VPS13C: variants seen among roughly 807,000 people sequenced by gnomAD.
The protein encoded by VPS13C is intermembrane lipid transfer protein VPS13C.
Under a neutral mutation model 456.8 loss-of-function variants are expected in VPS13C, and 358 were observed. The observed-to-expected ratio is 0.78, with a 90% CI of 0.72 to 0.86. VPS13C has a LOEUF of 0.86. Among genes scored for constraint, VPS13C ranks in the 40% least tolerant of loss-of-function variants. The pLI, the probability that VPS13C is intolerant of heterozygous loss-of-function variation, is 0.00. For synonymous variants in VPS13C, 1,578 were observed against 1,486.7 expected, an observed-to-expected ratio of 1.06 and a Z score of -1.41; for missense variants, 4,818 against 4,385.4, an observed-to-expected ratio of 1.10 and a Z score of -2.79.
rs377118536 is a variant in VPS13C, at chr15:61,880,845, G to A, written c.9886C>T (p.Arg3296Trp). Residue 3296 changes from arginine (R) to tryptophan (W), a missense_variant and splice_region_variant, in exon 72 of 85, where the codon CGG (arginine) becomes TGG (tryptophan). Transcript: ENST00000644861. ...PTTDPEAERR[R>W]TKLIQQDIDA... ...CCCCAAGAAATAAAAATTTTTACCC[G>A]TCTTCTTTCAGCTTCAGGGTCTGTT... is the stretch of plus-strand genomic sequence containing the variant. 3.5e-5 allele frequency: 56 copies of A among 1,582,846 alleles called. No homozygotes were observed. Among genetic ancestry groups the A allele is most frequent in the Admixed American group, 1.7e-4 (9 of 51,970 alleles).
At chr15:62,055,777 C>T (rs541113881) in intron 1 of VPS13C, among the ~76,000 whole-genome samples, 50 of 152,206 alleles carry the variant, frequency 3.3e-4, no homozygotes, top group African/African-American at 1.1e-3. Context: ...CTACTTCTTC[C>T]GTGTCCTTTT....
chr15:62,050,009 C>T (rs992874281), intron 1 of VPS13C, among the ~76,000 whole-genome samples: 3 of 152,246 alleles, frequency 2.0e-5, no homozygotes, highest in Admixed American at 6.5e-5. Flanking sequence ...TGGGCTGAGA[C>T]GATGGGGTTT....
At chr15:61,868,597 A>G in intron 81 of VPS13C, 62 bp downstream of exon 81, 2 of 1,434,906 alleles carry the variant, frequency 1.4e-6, no homozygotes, top group Non-Finnish European at 9.8e-7. Context: ...CACCTAGGAA[A>G]TCCTGGGCCT....
chr15:62,054,829 C>T (rs1418626007), intron 1 of VPS13C, among the ~76,000 whole-genome samples: 1 of 151,922 alleles, frequency 6.6e-6, no homozygotes, highest in East Asian at 1.9e-4. Flanking sequence ...AAAACAAAGA[C>T]TGTTTTCCAT....
intron 67 of VPS13C, among the ~76,000 whole-genome samples, chr15:61,887,192 G>A (rs1021834582): frequency 1.3e-5 from 2 of 152,168 alleles, no homozygotes; most frequent in African/African-American, 4.8e-5. Context: ...ATTATAACAA[G>A]ATTGCAAAAA....
In VPS13C at chr15:61,916,677, T is replaced by G. The variant is rs532008485; in HGVS notation, c.8056-655A>C. Among the ~76,000 whole-genome samples, 12 of 152,202 alleles carry G rather than the reference T, an allele frequency of 7.9e-5. No homozygotes were observed. The South Asian group carries it at 8.3e-4, about 11-fold the overall frequency. ...AAAAAAACATGTAGGTTCCAAACAC[T>G]TTCCAGATTTTCATATTTTAAAATA... On this transcript the variant is annotated intron_variant, in intron 60 of 84. Transcript: ENST00000644861.
rs755846323 is a variant in VPS13C at position 61,874,962 on chromosome 15, A to G, written c.10339-11T>C. On this transcript the variant is annotated splice_polypyrimidine_tract_variant and intron_variant, in intron 76 of 84. Transcript: ENST00000644861. Reference sequence around the variant, plus strand: ...GCCTTGAACAGCACCCTGGCAAAAAAAAATAAAAAATAATCTTATTATTTA... The same window carrying G: ...GCCTTGAACAGCACCCTGGCAAAAAGAAATAAAAAATAATCTTATTATTTA... 2.8e-5 allele frequency: 43 copies of G among 1,536,004 alleles called. No homozygotes were observed. The highest frequency in any genetic ancestry group is 5.2e-6 in the Non-Finnish European group (6 of 1,150,890).
intron 45 of VPS13C, among the ~76,000 whole-genome samples, chr15:61,942,546 T>G (rs2044465723): frequency 7.6e-6 from 1 of 132,024 alleles, no homozygotes; most frequent in African/African-American, 3.2e-5. Context: ...TGATAAGGCT[T>G]TTTTTTTTTT....
Position 61,854,053 on chromosome 15 carries a change from A to AC in VPS13C, c.*403_*404insG, listed in dbSNP as rs1409843938. ...CAAGACTCGGTCTCAAAAAAAAAAA[A>AC]AACCCCAAAAAAACAAAAATAAAAA... On this transcript the variant is annotated 3_prime_UTR_variant, in exon 85 of 85. Transcript: ENST00000644861. 2.3e-4 allele frequency: 39 copies of AC among 173,162 alleles called. No homozygotes were observed. The highest frequency in any genetic ancestry group is 3.7e-4 in the Non-Finnish European group (30 of 80,270). The allele number at this position is 173,162 out of a possible 1,614,324, so 10.7% of individuals were successfully genotyped here.
intron 66 of VPS13C, among the ~76,000 whole-genome samples, chr15:61,897,022 C>A (rs1376624169): frequency 1.3e-5 from 2 of 152,182 alleles, no homozygotes; most frequent in Non-Finnish European, 2.9e-5. Flanking sequence ...GGTACTCCAA[C>A]AGACCTGCAG....
intron 1 of VPS13C, among the ~76,000 whole-genome samples, chr15:62,054,368 T>C (rs927811052): frequency 1.2e-4 from 18 of 152,046 alleles, no homozygotes; most frequent in African/African-American, 4.1e-4. Flanking sequence ...CAAAGGCAAA[T>C]AGAGGTTTTT....
chr15:62,031,961 T>C (rs1290639830), intron 5 of VPS13C, among the ~76,000 whole-genome samples: 2 of 151,842 alleles, frequency 1.3e-5, no homozygotes, highest in African/African-American at 4.8e-5. Context: ...CTGAAAACAC[T>C]AACATATTTT....
rs1167920200 is a variant in VPS13C, at chr15:61,915,004, G to A, written c.8445+629C>T. ...TGTCTAGGCCCATTTTAAATGGTTA[G>A]AAAATCTTCATATATATCAGGCTTG... On this transcript the variant is annotated intron_variant, in intron 61 of 84. Transcript: ENST00000644861. Among the ~76,000 whole-genome samples the A allele has an allele frequency of 2.0e-5, 3 of 148,990 alleles. No homozygotes were observed. The Admixed American group carries it at 2.0e-4, about 10-fold the overall frequency.
chr15:62,020,686 T>C, intron 8 of VPS13C, 148 bp from the exon 9 acceptor site: 1 of 634,212 alleles, frequency 1.6e-6, no homozygotes, highest in Non-Finnish European at 2.6e-6. Flanking sequence ...AAGGAGGTAA[T>C]AACATGGCTG....
At chr15:62,048,397 T>G (rs1417762208) in intron 1 of VPS13C, among the ~76,000 whole-genome samples, 1 of 152,040 alleles carries the variant, frequency 6.6e-6, no homozygotes, top group African/African-American at 2.4e-5. Flanking sequence ...AATGATGGTT[T>G]CCAGTTTCAT....
intron 77 of VPS13C, 55 bp downstream of exon 77, chr15:61,874,821 T>C (rs1895292977): frequency 6.9e-7 from 1 of 1,453,588 alleles, no homozygotes; most frequent in East Asian, 2.4e-5. Context: ...TAACAACGTA[T>C]TTCATAACAA....
rs199940730 is a variant in VPS13C at position 62,013,978 on chromosome 15, G to C, written c.699C>G (p.His233Gln). The C allele has an allele frequency of 5.6e-6, 9 of 1,610,100 alleles. No individual in the cohort carries two copies. The East Asian group carries it at 1.8e-4, about 32-fold the overall frequency. ...GELSLLTANE[H>Q]WTPCILNEAD... ...CTTCATTTAATATGCATGGAGTCCA[G>C]TGTTCATTTGCAGTCTAAAAGAAAA... Residue 233 changes from histidine to glutamine, a missense_variant, in exon 10 of 85, where the codon CAC (histidine) becomes CAG (glutamine). Around this residue, in one of 3 missense-constraint regions of VPS13C, gnomAD observed 4,552 missense variants for 4,130.6 expected, o/e 1.10. Coordinates refer to ENST00000644861, the MANE Select transcript of VPS13C (RefSeq NM_020821.3).
Position 61,915,613 on chromosome 15 carries a change from T to C in VPS13C, c.8445+20A>G, listed in dbSNP as rs2140161814. ...TTAGGAATTTATCTGCTTTAACTTA[T>C]TATGTGAACAAAACCACACCTTATT... On this transcript the variant is annotated intron_variant, in intron 61 of 84. Transcript: ENST00000644861. 2.6e-6 allele frequency: 4 copies of C among 1,552,546 alleles called. No individual in the cohort carries two copies. The highest frequency in any genetic ancestry group is 4.5e-5 in the East Asian group (2 of 44,674).
intron 76 of VPS13C, 35 bp from the exon 77 acceptor site, chr15:61,874,986 T>G: frequency 6.6e-7 from 1 of 1,505,396 alleles, no homozygotes; most frequent in East Asian, 2.4e-5. Flanking sequence ...TCTTATTATT[T>G]AAAATTTAAG....
Sources: gnomAD v4.1 joint callset for allele counts (sites outside exome capture counted in the v4.1 genomes callset) on GRCh38, gnomAD v4.1.1 for gene constraint, gnomAD v4.1.1 regional missense constraint, MANE v1.5 for transcripts, NCBI Gene and HGNC (gene_info 2026-07-23, HGNC 2026-07-21) for gene names.